Variants in GALNTL6 observed in about 807,000 individuals in gnomAD.
The protein encoded by GALNTL6 is polypeptide N-acetylgalactosaminyltransferase like 6.
In GALNTL6, 46 loss-of-function variants were observed where a neutral mutation model predicts 73.7. That is an observed-to-expected ratio of 0.62 (90% confidence interval 0.49 to 0.80). GALNTL6 has a LOEUF of 0.80. Ranked by LOEUF, GALNTL6 falls within the 30% of genes least tolerant of loss-of-function variation. The pLI is 0.00. For missense variants in GALNTL6, 604 were observed against 755.0 expected, an observed-to-expected ratio of 0.80 and a Z score of 2.34; for synonymous variants, 259 against 263.7, an observed-to-expected ratio of 0.98 and a Z score of 0.17.
At chr4:172,311,580 G>A (rs758334415) in intron 3 of GALNTL6, 34 bp from the exon 4 acceptor site, 157 of 1,570,394 alleles carry the variant, frequency 1.0e-4, no homozygotes, top group Non-Finnish European at 1.2e-4. Context: ...GGCTTTTATA[G>A]AGATGATAAT....
chr4:172,662,677 T>C (rs2111183111), intron 5 of GALNTL6, among the ~76,000 whole-genome samples: 1 of 152,320 alleles, frequency 6.6e-6, no homozygotes, highest in African/African-American at 2.4e-5. Context: ...ACCCAGTGAG[T>C]GCTTATGAGG....
At chr4:172,553,463 T>A (rs1736035675) in intron 5 of GALNTL6, among the ~76,000 whole-genome samples, 1 of 152,214 alleles carries the variant, frequency 6.6e-6, no homozygotes, top group East Asian at 1.9e-4. Context: ...GGGACCTATG[T>A]AGATTCTTCA....
At chr4:172,033,955 C>T (rs1741847468) in intron 2 of GALNTL6, among the ~76,000 whole-genome samples, 1 of 152,062 alleles carries the variant, frequency 6.6e-6, no homozygotes, top group African/African-American at 2.4e-5. Flanking sequence ...CTCAGGGCTG[C>T]CAACTCAATG....
At chr4:171,928,471 T>A (rs1416487835) in intron 2 of GALNTL6, among the ~76,000 whole-genome samples, 1 of 152,144 alleles carries the variant, frequency 6.6e-6, no homozygotes, top group Non-Finnish European at 1.5e-5. Flanking sequence ...GAAATAAAAT[T>A]AAGAAACAGC....
intron 5 of GALNTL6, among the ~76,000 whole-genome samples, chr4:172,737,402 A>G (rs900347197): frequency 4.6e-5 from 7 of 152,044 alleles, no homozygotes; most frequent in Non-Finnish European, 1.0e-4. Flanking sequence ...TTCCACTGTT[A>G]AGAGCCTCTA....
At chr4:172,377,646 G>A (rs918110666) in intron 5 of GALNTL6, among the ~76,000 whole-genome samples, 3 of 152,132 alleles carry the variant, frequency 2.0e-5, no homozygotes, top group African/African-American at 7.2e-5. Context: ...GGGGGAGCTC[G>A]GTCATGGTGG....
intron 2 of GALNTL6, among the ~76,000 whole-genome samples, chr4:171,975,090 A>G (rs1421358614): frequency 6.6e-6 from 1 of 152,202 alleles, no homozygotes; most frequent in African/African-American, 2.4e-5. Context: ...TCTACCTGTA[A>G]TGCATAGTGA....
chr4:172,909,570 T>G (rs1256853735), intron 8 of GALNTL6, among the ~76,000 whole-genome samples: 1 of 152,052 alleles, frequency 6.6e-6, no homozygotes, highest in Non-Finnish European at 1.5e-5. Context: ...AAAATGTGAA[T>G]TAATATTATA....
At chr4:172,886,513 C>T (rs1745727699) in intron 8 of GALNTL6, among the ~76,000 whole-genome samples, 1 of 151,920 alleles carries the variant, frequency 6.6e-6, no homozygotes, top group Admixed American at 6.5e-5. Flanking sequence ...CGACTATAAT[C>T]CCAGCACTTT....
At chr4:172,417,794 G>C (rs947560178) in intron 5 of GALNTL6, among the ~76,000 whole-genome samples, 2 of 152,118 alleles carry the variant, frequency 1.3e-5, no homozygotes, top group East Asian at 3.8e-4. Flanking sequence ...CCATTCTGTT[G>C]TGTTTGTTTT....
At chr4:172,687,902 A>G (rs1055336929) in intron 5 of GALNTL6, among the ~76,000 whole-genome samples, 1 of 152,208 alleles carries the variant, frequency 6.6e-6, no homozygotes, top group Non-Finnish European at 1.5e-5. Flanking sequence ...ATTTATAACC[A>G]TAAGTAAGCT....
chr4:171,942,930 C>T (rs1169445423), intron 2 of GALNTL6, among the ~76,000 whole-genome samples: 1 of 152,116 alleles, frequency 6.6e-6, no homozygotes, highest in African/African-American at 2.4e-5. Context: ...CCCTCAAAAC[C>T]AATATTCATG....
At chr4:172,020,466 T>C (rs1741363577) in intron 2 of GALNTL6, among the ~76,000 whole-genome samples, 1 of 145,936 alleles carries the variant, frequency 6.9e-6, no homozygotes, top group Non-Finnish European at 1.5e-5. Context: ...AAATCAGAGG[T>C]GATAAAGGAG....
At chr4:172,736,339 A>G (rs957215271) in intron 5 of GALNTL6, among the ~76,000 whole-genome samples, 1 of 152,236 alleles carries the variant, frequency 6.6e-6, no homozygotes, top group Non-Finnish European at 1.5e-5. Flanking sequence ...CTTGCTGAGA[A>G]AAAGAATTCA....
At chr4:172,250,656 C>T (rs1737829985) in intron 3 of GALNTL6, among the ~76,000 whole-genome samples, 1 of 152,126 alleles carries the variant, frequency 6.6e-6, no homozygotes, top group Non-Finnish European at 1.5e-5. Flanking sequence ...TTTGCTTCCC[C>T]TTCCACCATG....
At chr4:172,454,468 T>C (rs1732320358) in intron 5 of GALNTL6, among the ~76,000 whole-genome samples, 6 of 152,202 alleles carry the variant, frequency 3.9e-5, no homozygotes. Context: ...CCAAGATGCA[T>C]GAGGTACATA....
At position 172,512,086 on chromosome 4, in the gene GALNTL6, T is replaced by C. The variant is rs1429507609; in HGVS notation, c.553+163397T>C. On this transcript the variant is annotated intron_variant, in intron 5 of 12. Coordinates refer to ENST00000506823, the MANE Select transcript of GALNTL6 (RefSeq NM_001034845.3). ...TGCCATGTATCTCATTTCTTATGTCTAGTAGTAATTGTTGTATAAATTTGG... is the reference window on the plus strand; with the variant it reads ...TGCCATGTATCTCATTTCTTATGTCCAGTAGTAATTGTTGTATAAATTTGG... Among the ~76,000 whole-genome samples, 79 of 55,292 alleles carry C rather than the reference T, an allele frequency of 1.4e-3. 29 individuals are homozygous for C. Among genetic ancestry groups the C allele is most frequent in the African/African-American group, 3.3e-3 (73 of 22,322 alleles). The allele number at this position is 55,292 out of a possible 152,430, so 36.3% of individuals were successfully genotyped here. A position where few individuals can be genotyped will look rare whatever the true frequency, so the allele number is the denominator to read the frequency against.
intron 2 of GALNTL6, among the ~76,000 whole-genome samples, chr4:172,012,340 C>T (rs1197894755): frequency 6.6e-6 from 1 of 152,104 alleles, no homozygotes; most frequent in African/African-American, 2.4e-5. Context: ...AAGTACAACC[C>T]TTCTTCCAGG....
intron 5 of GALNTL6, among the ~76,000 whole-genome samples, chr4:172,447,313 T>C (rs541522135): frequency 1.3e-5 from 2 of 152,324 alleles, no homozygotes; most frequent in Admixed American, 6.5e-5. Context: ...CATTATATTC[T>C]GCCCTCAAAG....
Sources: gnomAD v4.1 joint callset for allele counts (sites outside exome capture counted in the v4.1 genomes callset) on GRCh38, gnomAD v4.1.1 for gene constraint, MANE v1.5 for transcripts, NCBI Gene and HGNC (gene_info 2026-07-23, HGNC 2026-07-21) for gene names.